The following SRBD1 variants were observed in gnomAD, a reference collection of about 807,000 sequenced individuals.
SRBD1 encodes S1 RNA binding domain 1, also known as S1 RNA-binding domain-containing protein 1.
In SRBD1, 88 loss-of-function variants were observed where a neutral mutation model predicts 115.3. That is an observed-to-expected ratio of 0.76 (90% CI 0.64 to 0.91). SRBD1 has a LOEUF of 0.91. Among genes scored for constraint, SRBD1 ranks in the 40% least tolerant of loss-of-function variants. The pLI is 0.00. For missense variants in SRBD1, 1,385 were observed against 1,177.4 expected (o/e 1.18, Z -2.58); for synonymous variants, 509 against 407.7 (o/e 1.25, Z -2.99).
At chr2:45,564,377 T>C (rs1261739687) in intron 9 of SRBD1, among the ~76,000 whole-genome samples, 1 of 152,176 alleles carries the variant, frequency 6.6e-6, no homozygotes, top group African/African-American at 2.4e-5. Flanking sequence ...AAGACAAGCG[T>C]GTCCACTCTC....
chr2:45,590,347 C>G (rs1673680298), intron 4 of SRBD1, among the ~76,000 whole-genome samples: 1 of 152,158 alleles, frequency 6.6e-6, no homozygotes, highest in Non-Finnish European at 1.5e-5. Flanking sequence ...AACAAATCCC[C>G]TTCCTGCCTG....
At chr2:45,428,446 G>T (rs1240646945) in intron 16 of SRBD1, among the ~76,000 whole-genome samples, 1 of 152,158 alleles carries the variant, frequency 6.6e-6, no homozygotes, top group East Asian at 1.9e-4. Flanking sequence ...AGCTACTCGG[G>T]AGGCTGAGGT....
intron 16 of SRBD1, among the ~76,000 whole-genome samples, chr2:45,472,577 G>C (rs907595904): frequency 1.3e-5 from 2 of 152,116 alleles, no homozygotes; most frequent in African/African-American, 4.8e-5. Flanking sequence ...TTAAACTCCT[G>C]GGCTCAAATG....
intron 16 of SRBD1, among the ~76,000 whole-genome samples, chr2:45,450,299 A>T (rs187891165): frequency 6.6e-6 from 1 of 152,322 alleles, no homozygotes; most frequent in East Asian, 1.9e-4. Context: ...GGCAGGGATC[A>T]TGAACTTTGT....
intron 16 of SRBD1, among the ~76,000 whole-genome samples, chr2:45,473,417 G>T (rs746383605): frequency 6.6e-6 from 1 of 152,082 alleles, no homozygotes; most frequent in Non-Finnish European, 1.5e-5. Flanking sequence ...ACATTTTACT[G>T]TGTGTACATG....
At chr2:45,591,844 G>C (rs1197878586) in intron 4 of SRBD1, among the ~76,000 whole-genome samples, 2 of 152,186 alleles carry the variant, frequency 1.3e-5, no homozygotes, top group Non-Finnish European at 2.9e-5. Flanking sequence ...ACTGAATGCA[G>C]ACACCAGGGA....
chr2:45,466,967 C>T (rs1169016954), intron 16 of SRBD1, among the ~76,000 whole-genome samples: 2 of 152,174 alleles, frequency 1.3e-5, no homozygotes, highest in African/African-American at 4.8e-5. Flanking sequence ...TCCAGGTTAA[C>T]TGAATCAGAG....
intron 14 of SRBD1, among the ~76,000 whole-genome samples, chr2:45,491,483 G>C (rs1670290046): frequency 6.6e-6 from 1 of 152,074 alleles, no homozygotes; most frequent in African/African-American, 2.4e-5. Context: ...ATTATTTATA[G>C]ATTATTACAG....
At chr2:45,566,497 G>C (rs1401535645) in intron 9 of SRBD1, among the ~76,000 whole-genome samples, 3 of 152,174 alleles carry the variant, frequency 2.0e-5, no homozygotes, top group Non-Finnish European at 4.4e-5. Flanking sequence ...GAAATGACCA[G>C]AACAGACAAA....
intron 16 of SRBD1, among the ~76,000 whole-genome samples, chr2:45,472,639 C>T (rs543824498): frequency 3.3e-5 from 5 of 152,152 alleles, no homozygotes; most frequent in African/African-American, 9.7e-5. Flanking sequence ...TGTCACCATG[C>T]CTAGCTTCAA....
At chr2:45,505,472 G>GA (rs1298138878) in intron 14 of SRBD1, among the ~76,000 whole-genome samples, 2 of 152,242 alleles carry the variant, frequency 1.3e-5, no homozygotes, top group East Asian at 3.9e-4. Flanking sequence ...TCACATAAGG[G>GA]AAAATAGCTG....
intron 14 of SRBD1, among the ~76,000 whole-genome samples, chr2:45,513,791 TTTTTG>T (rs1413507531): frequency 1.1e-4 from 16 of 152,126 alleles, no homozygotes; most frequent in Non-Finnish European, 1.9e-4. Flanking sequence ...AAACAGTTTT[TTTTTG>T]TTTGTTTGTT....
chr2:45,575,816 G>C (rs1369641860), intron 7 of SRBD1, among the ~76,000 whole-genome samples: 1 of 152,110 alleles, frequency 6.6e-6, no homozygotes, highest in South Asian at 2.1e-4. Flanking sequence ...TGATTCTCCT[G>C]CCTCAGCCTC....
chr2:45,602,162 G>C, intron 2 of SRBD1, 79 bp from the exon 3 acceptor site: 9 of 1,480,826 alleles, frequency 6.1e-6, no homozygotes, highest in Non-Finnish European at 7.3e-6. Context: ...CAAGATTCTT[G>C]AAAAAATGAT....
In SRBD1 at chr2:45,511,661, C is replaced by T. The variant is rs534570201; in HGVS notation, c.1875-23330G>A. 7.4e-4 allele frequency among the ~76,000 whole-genome samples: 113 copies of T among 152,266 alleles called. 2 individuals carry two copies. Among genetic ancestry groups the T allele is most frequent in the African/African-American group, 2.6e-3 (107 of 41,554 alleles). ...TAACTGTGGCGAGAAACAATGTTAT[C>T]GGCAAAAATTCAATGGTATATATTC... On this transcript the variant is annotated intron_variant, in intron 14 of 20. Transcript: ENST00000263736.
At chr2:45,490,744 T>C (rs569385709) in intron 14 of SRBD1, among the ~76,000 whole-genome samples, 14 of 152,256 alleles carry the variant, frequency 9.2e-5, no homozygotes, top group African/African-American at 2.9e-4. Context: ...TGAGGGAAAC[T>C]ATTGCAAAGA....
chr2:45,397,492 T>C (rs1667179183), intron 19 of SRBD1, among the ~76,000 whole-genome samples: 1 of 152,252 alleles, frequency 6.6e-6, no homozygotes, highest in South Asian at 2.1e-4. Flanking sequence ...AATATCACAG[T>C]ACCTATTTAG....
intron 12 of SRBD1, among the ~76,000 whole-genome samples, chr2:45,550,871 C>A (rs140001795): frequency 1.3e-5 from 2 of 151,978 alleles, no homozygotes; most frequent in Admixed American, 1.3e-4. Flanking sequence ...AGTTCAAGTC[C>A]GAGCCTAATT....
At chr2:45,471,191 C>G (rs1185007566) in intron 16 of SRBD1, among the ~76,000 whole-genome samples, 1 of 152,030 alleles carries the variant, frequency 6.6e-6, no homozygotes, top group African/African-American at 2.4e-5. Flanking sequence ...TACATATTCA[C>G]TATAGGGAGT....
Sources: gnomAD v4.1 joint callset for allele counts (sites outside exome capture counted in the v4.1 genomes callset) on GRCh38, gnomAD v4.1.1 for gene constraint, MANE v1.5 for transcripts, NCBI Gene and HGNC (gene_info 2026-07-23, HGNC 2026-07-21) for gene names.